MARCHF1: variants seen among roughly 807,000 people sequenced by gnomAD.
MARCHF1 encodes the protein membrane associated ring-CH-type finger 1, also known as E3 ubiquitin-protein ligase MARCHF1.
MARCHF1 carries 40 observed loss-of-function variants against 54.2 expected under a neutral mutation model. The observed-to-expected ratio is 0.74, with a 90% CI of 0.57 to 0.96. The LOEUF (loss-of-function observed/expected upper bound fraction) is 0.96. Ranked by LOEUF, MARCHF1 falls within the 40% of genes least tolerant of loss-of-function variation. The probability of loss-of-function intolerance (pLI) is 0.00; values close to 1 mark genes in which losing one functional copy is unlikely to be tolerated. For synonymous variants in MARCHF1, 236 were observed against 236.3 expected (o/e 1.00, Z 0.01); for missense variants, 586 against 656.5 (o/e 0.89, Z 1.17).
intron 8 of MARCHF1, among the ~76,000 whole-genome samples, chr4:163,580,655 C>T (rs947425210): frequency 6.6e-6 from 1 of 152,038 alleles, no homozygotes. Flanking sequence ...AATTGGTGTG[C>T]ATATAATGAT....
chr4:163,858,908 T>C (rs1749843365), intron 3 of MARCHF1, among the ~76,000 whole-genome samples: 1 of 152,172 alleles, frequency 6.6e-6, no homozygotes, highest in Non-Finnish European at 1.5e-5. Flanking sequence ...TTACTGTATA[T>C]GATAAATTTA....
chr4:164,156,234 T>C (rs964316666), intron 1 of MARCHF1, among the ~76,000 whole-genome samples: 10 of 152,158 alleles, frequency 6.6e-5, no homozygotes, highest in African/African-American at 2.2e-4. Context: ...CACAAAACTA[T>C]TGAAGTTTTT....
intron 2 of MARCHF1, among the ~76,000 whole-genome samples, chr4:164,000,522 C>T (rs914921654): frequency 3.3e-5 from 5 of 151,638 alleles, no homozygotes; most frequent in Middle Eastern, 3.4e-3. Flanking sequence ...GAGAGAGAGA[C>T]TGAGAAACTG....
intron 3 of MARCHF1, among the ~76,000 whole-genome samples, chr4:163,935,624 A>C (rs529676687): frequency 5.9e-5 from 9 of 152,012 alleles, no homozygotes; most frequent in African/African-American, 1.4e-4. Context: ...ACTTAAGAGA[A>C]TGTTGTAGAT....
At chr4:163,547,566 C>A (rs1159501318) in intron 8 of MARCHF1, among the ~76,000 whole-genome samples, 2 of 152,190 alleles carry the variant, frequency 1.3e-5, no homozygotes, top group Non-Finnish European at 2.9e-5. Context: ...TCAGCCCAAT[C>A]AGCAACAGCT....
intron 1 of MARCHF1, among the ~76,000 whole-genome samples, chr4:164,161,082 T>C (rs950487777): frequency 6.6e-6 from 1 of 152,144 alleles, no homozygotes; most frequent in African/African-American, 2.4e-5. Context: ...CCAAATCTCA[T>C]GTTGAAATAT....
chr4:163,924,404 C>A (rs756959129), intron 3 of MARCHF1, among the ~76,000 whole-genome samples: 20 of 151,874 alleles, frequency 1.3e-4, no homozygotes, highest in Non-Finnish European at 2.5e-4. Context: ...GACAAAACAC[C>A]TCAGAAAGTG....
chr4:164,167,927 C>T (rs944517291), intron 1 of MARCHF1, among the ~76,000 whole-genome samples: 6 of 151,790 alleles, frequency 4.0e-5, no homozygotes, highest in Admixed American at 2.0e-4. Context: ...AATGGAACTA[C>T]GTCAAACTAA....
intron 3 of MARCHF1, among the ~76,000 whole-genome samples, chr4:163,891,890 G>A (rs896085907): frequency 6.6e-6 from 1 of 152,032 alleles, no homozygotes; most frequent in African/African-American, 2.4e-5. Flanking sequence ...ATTAGCACAT[G>A]CTTTTGCTAC....
At chr4:164,367,403 C>A (rs1420787532) in intron 1 of MARCHF1, among the ~76,000 whole-genome samples, 1 of 151,950 alleles carries the variant, frequency 6.6e-6, no homozygotes, top group African/African-American at 2.4e-5. Context: ...TGTATATTAT[C>A]AAAAATCACT....
At chr4:163,691,697 A>G (rs1416308981) in intron 5 of MARCHF1, among the ~76,000 whole-genome samples, 5 of 152,104 alleles carry the variant, frequency 3.3e-5, no homozygotes. Context: ...ACTGTAACCA[A>G]CCAAAATCCT....
chr4:164,196,913 A>AG, intron 1 of MARCHF1: 2 of 1,464,634 alleles, frequency 1.4e-6, no homozygotes, highest in Non-Finnish European at 1.9e-6. Context: ...TGGAGGGGGG[A>AG]GGGGATATGG....
chr4:164,322,790 G>A lies in MARCHF1; in HGVS notation c.-323+61080C>T, dbSNP rs1456235639. ...ATAAATGAAGACAGAAAGAATGCAA[G>A]AATATCAATAATATTGTCAGCTCAA... On this transcript the variant is annotated intron_variant, in intron 1 of 9. Coordinates refer to ENST00000514618, the MANE Select transcript of MARCHF1 (RefSeq NM_001394959.1). Among the ~76,000 whole-genome samples the A allele has an allele frequency of 6.6e-5, 10 of 152,032 alleles. No individual in the cohort carries two copies. In the East Asian group the frequency reaches 1.9e-3, roughly 29 times the overall value.
chr4:164,146,477 A>C (rs1268288564), intron 1 of MARCHF1, among the ~76,000 whole-genome samples: 1 of 152,214 alleles, frequency 6.6e-6, no homozygotes, highest in Non-Finnish European at 1.5e-5. Context: ...AAACAGAGAT[A>C]TAGATCAATG....
At chr4:164,275,240 A>G (rs1733848894) in intron 1 of MARCHF1, among the ~76,000 whole-genome samples, 1 of 152,126 alleles carries the variant, frequency 6.6e-6, no homozygotes, top group Non-Finnish European at 1.5e-5. Context: ...TCAAAAATAT[A>G]AAATTATATA....
chr4:164,226,552 A>G (rs1732258547), intron 1 of MARCHF1, among the ~76,000 whole-genome samples: 1 of 152,140 alleles, frequency 6.6e-6, no homozygotes, highest in African/African-American at 2.4e-5. Context: ...CATAGAAAAC[A>G]GCATAGGAAA....
chr4:163,818,377 C>G (rs1349378863), intron 4 of MARCHF1, among the ~76,000 whole-genome samples: 1 of 151,860 alleles, frequency 6.6e-6, no homozygotes, highest in African/African-American at 2.4e-5. Flanking sequence ...GGTATTAACC[C>G]CAGCATCCAT....
intron 3 of MARCHF1, among the ~76,000 whole-genome samples, chr4:163,934,351 T>C (rs769372826): frequency 8.5e-5 from 13 of 152,118 alleles, no homozygotes; most frequent in Non-Finnish European, 1.9e-4. Context: ...TTGAGGCCAG[T>C]AGTTTCAGAC....
At chr4:163,673,064 C>A (rs74286458) in intron 5 of MARCHF1, among the ~76,000 whole-genome samples, 19,756 of 152,074 alleles carry the variant, frequency 0.13, 1,535 homozygotes, top group East Asian at 0.3. Flanking sequence ...CTGTGGAAGG[C>A]AACATAGTCA....
Sources: allele counts gnomAD v4.1 joint callset (sites outside exome capture counted in the v4.1 genomes callset), GRCh38; gene constraint gnomAD v4.1.1; transcripts MANE v1.5; gene names NCBI Gene and HGNC (gene_info 2026-07-23, HGNC 2026-07-21).